TPD52: variants seen among roughly 807,000 people sequenced by gnomAD.
The protein encoded by TPD52 is prostate and colon associated protein.
A neutral mutation model predicts 31.3 loss-of-function variants in TPD52; 17 were observed. That is an observed-to-expected ratio of 0.54 (90% confidence interval 0.37 to 0.82). The LOEUF (loss-of-function observed/expected upper bound fraction) is 0.82. Ranked by LOEUF, TPD52 falls within the 40% of genes least tolerant of loss-of-function variation. TPD52 has a pLI of 0.00. For synonymous variants in TPD52, 83 were observed against 89.6 expected (o/e 0.93, Z 0.42); for missense variants, 212 against 240.1 (o/e 0.88, Z 0.77).
chr8:80,170,346 G>A (rs1490961835), intron 1 of TPD52, among the ~76,000 whole-genome samples: 7 of 152,112 alleles, frequency 4.6e-5, no homozygotes, highest in Admixed American at 2.6e-4. Context: ...AACCAGGGAG[G>A]CAGAGGTTGC....
chr8:80,149,368 T>G (rs1235645484), intron 1 of TPD52, among the ~76,000 whole-genome samples: 1 of 152,364 alleles, frequency 6.6e-6, no homozygotes, highest in East Asian at 1.9e-4. Flanking sequence ...ACCATGATTG[T>G]GAGGCCTCCC....
At chr8:80,103,805 T>G (rs28704840) in intron 1 of TPD52, among the ~76,000 whole-genome samples, 1 of 152,094 alleles carries the variant, frequency 6.6e-6, no homozygotes, top group Non-Finnish European at 1.5e-5. Context: ...CCAACTAGGT[T>G]AGACAAAAAC....
chr8:80,076,930 G>A (rs546006166), intron 1 of TPD52, among the ~76,000 whole-genome samples: 1 of 152,228 alleles, frequency 6.6e-6, no homozygotes, highest in South Asian at 2.1e-4. Context: ...GACTCCCAAA[G>A]TGCTGGGATT....
chr8:80,094,345 C>G (rs1347535889), intron 1 of TPD52, among the ~76,000 whole-genome samples: 1 of 148,422 alleles, frequency 6.7e-6, no homozygotes, highest in African/African-American at 2.5e-5. Flanking sequence ...TGTTCTTATT[C>G]TTACGCAGGT....
chr8:80,052,581 A>G (rs1473042952), intron 3 of TPD52: 3 of 1,282,094 alleles, frequency 2.3e-6, no homozygotes, highest in East Asian at 1.1e-4. Flanking sequence ...TGATAGTTAA[A>G]TTGTAAAACA....
intron 1 of TPD52, among the ~76,000 whole-genome samples, chr8:80,128,560 C>T (rs553568895): frequency 6.7e-6 from 1 of 150,360 alleles, no homozygotes; most frequent in African/African-American, 2.5e-5. Context: ...ACTCAGGAGG[C>T]TGAGGTGGGA....
At chr8:80,058,377 C>T (rs557648498) in intron 2 of TPD52, among the ~76,000 whole-genome samples, 9 of 152,212 alleles carry the variant, frequency 5.9e-5, no homozygotes, top group Admixed American at 2.0e-4. Flanking sequence ...AATGAGCTTG[C>T]GGAAATTCAA....
chr8:80,047,264 T>C (rs1810954015), intron 5 of TPD52, among the ~76,000 whole-genome samples: 1 of 152,202 alleles, frequency 6.6e-6, no homozygotes, highest in Non-Finnish European at 1.5e-5. Context: ...AATCTCTCTA[T>C]GGCTCAGTTT....
At chr8:80,038,351 A>G in intron 7 of TPD52, 116 bp from the exon 8 acceptor site, 1 of 1,045,370 alleles carries the variant, frequency 9.6e-7, no homozygotes, top group Non-Finnish European at 1.4e-6. Context: ...CTTATAGCTC[A>G]GTGATTATTA....
rs146822109 is a variant in TPD52 at position 80,132,996 on chromosome 8, A to G, written c.19+38429T>C. On this transcript the variant is annotated intron_variant, in intron 1 of 7. Transcript: ENST00000518937. Reference sequence around the variant, plus strand: ...TTCTCTATCAGTTCAGCCAGCCATAATGCTTCTGATGCTGATGTAAAAGGA... The same window carrying G: ...TTCTCTATCAGTTCAGCCAGCCATAGTGCTTCTGATGCTGATGTAAAAGGA... 9.0e-3 allele frequency among the ~76,000 whole-genome samples: 1,364 copies of G among 152,292 alleles called. 15 individuals carry two copies. Among genetic ancestry groups the G allele is most frequent in the Non-Finnish European group, 0.01 (694 of 68,022 alleles).
At chr8:80,099,667 C>G (rs1041148956) in intron 1 of TPD52, among the ~76,000 whole-genome samples, 8 of 152,038 alleles carry the variant, frequency 5.3e-5, no homozygotes, top group African/African-American at 1.9e-4. Flanking sequence ...CGTGACACCA[C>G]GCCCAGCTAA....
downstream of TPD52, among the ~76,000 whole-genome samples, chr8:80,031,237 T>C (rs1809686271): frequency 6.6e-6 from 1 of 152,252 alleles, no homozygotes; most frequent in African/African-American, 2.4e-5. Context: ...GACCCTATTT[T>C]AAGAATGCCT....
At chr8:80,123,472 A>T (rs1455574354) in intron 1 of TPD52, among the ~76,000 whole-genome samples, 1 of 152,204 alleles carries the variant, frequency 6.6e-6, no homozygotes, top group Non-Finnish European at 1.5e-5. Flanking sequence ...TGTGCCTGTA[A>T]TCCCAACAGT....
chr8:80,142,861 C>T (rs1389578346), intron 1 of TPD52, among the ~76,000 whole-genome samples: 2 of 152,154 alleles, frequency 1.3e-5, no homozygotes, highest in African/African-American at 2.4e-5. Context: ...GCCCAGAATC[C>T]AGCAAGAGCT....
At chr8:80,135,195 C>T (rs6473205) in intron 1 of TPD52, among the ~76,000 whole-genome samples, 90,965 of 152,148 alleles carry the variant, frequency 0.6, 27,706 homozygotes, top group East Asian at 0.79. Flanking sequence ...GATGTACACA[C>T]GGTTGTTGCC....
At chr8:80,086,101 C>CTTTTTTTTTTTTTTTT (rs762805549) in intron 1 of TPD52, among the ~76,000 whole-genome samples, 1 of 112,694 alleles carries the variant, frequency 8.9e-6, no homozygotes, top group Non-Finnish European at 1.8e-5. Context: ...GGTTTTTTTG[C>CTTTTTTTTTTTTTTTT]TTTTTTTTTT....
intron 1 of TPD52, among the ~76,000 whole-genome samples, chr8:80,149,126 C>G (rs1345975582): frequency 6.6e-6 from 1 of 152,108 alleles, no homozygotes; most frequent in Admixed American, 6.5e-5. Context: ...GGCTGTGTCC[C>G]CACCCGAATT....
intron 1 of TPD52, among the ~76,000 whole-genome samples, chr8:80,117,849 C>T (rs1375002707): frequency 6.6e-6 from 1 of 151,168 alleles, no homozygotes; most frequent in Admixed American, 6.6e-5. Flanking sequence ...TCTCCTGCCT[C>T]AGCCTCCCGA....
chr8:80,116,789 A>C (rs1367416014), intron 1 of TPD52, among the ~76,000 whole-genome samples: 2 of 152,180 alleles, frequency 1.3e-5, no homozygotes, highest in Admixed American at 1.3e-4. Context: ...AAAAAAAAAA[A>C]AAAGTTTATT....
Sources: allele counts gnomAD v4.1 joint callset (sites outside exome capture counted in the v4.1 genomes callset), GRCh38; gene constraint gnomAD v4.1.1; transcripts MANE v1.5; gene names NCBI Gene and HGNC (gene_info 2026-07-23, HGNC 2026-07-21).